Variants in AP2B1 observed in about 807,000 individuals in gnomAD.
The protein encoded by AP2B1 is adaptor related protein complex 2 subunit beta 1.
AP2B1 carries 23 observed loss-of-function variants against 102.0 expected under a neutral mutation model. The ratio of observed to expected loss-of-function variants is 0.23; its 90% CI spans 0.16 to 0.32. The LOEUF is 0.32. Ranked by LOEUF, AP2B1 falls within the 10% of genes least tolerant of loss-of-function variation. The probability of loss-of-function intolerance (pLI) is 1.00; values close to 1 mark genes in which losing one functional copy is unlikely to be tolerated. For missense variants in AP2B1, 541 were observed against 1,157.4 expected, an observed-to-expected ratio of 0.47 and a Z score of 7.73; for synonymous variants, 381 against 421.2, an observed-to-expected ratio of 0.90 and a Z score of 1.17.
intron 5 of AP2B1, among the ~76,000 whole-genome samples, chr17:35,608,882 C>T (rs1195281677): frequency 6.6e-6 from 1 of 152,178 alleles, no homozygotes; most frequent in Non-Finnish European, 1.5e-5. Flanking sequence ...CATAGCTTAA[C>T]ACCTTAAAGT....
chr17:35,623,817 T>C (rs2074246715), intron 5 of AP2B1, among the ~76,000 whole-genome samples: 1 of 152,174 alleles, frequency 6.6e-6, no homozygotes, highest in Non-Finnish European at 1.5e-5. Context: ...CTAAAACTAA[T>C]CTGTGAGGTG....
intron 18 of AP2B1, among the ~76,000 whole-genome samples, chr17:35,704,568 T>C (rs1339426217): frequency 6.6e-6 from 1 of 152,174 alleles, no homozygotes; most frequent in Non-Finnish European, 1.5e-5. Context: ...GTATTATAGG[T>C]GAGCCGGAAG....
chr17:35,673,682 C>T (rs1021294265), intron 16 of AP2B1, among the ~76,000 whole-genome samples: 4 of 151,944 alleles, frequency 2.6e-5, no homozygotes, highest in Non-Finnish European at 4.4e-5. Context: ...ATAGTCGATG[C>T]CTTTAAGGGA....
intron 10 of AP2B1, among the ~76,000 whole-genome samples, chr17:35,637,402 A>G (rs973370948): frequency 6.6e-6 from 1 of 151,546 alleles, no homozygotes; most frequent in African/African-American, 2.4e-5. Context: ...CCAGTCTCGA[A>G]CTCCTGACCT....
intron 13 of AP2B1, among the ~76,000 whole-genome samples, chr17:35,657,299 A>G (rs1192976117): frequency 6.6e-6 from 1 of 152,222 alleles, no homozygotes; most frequent in Non-Finnish European, 1.5e-5. Context: ...ACAGAGAACC[A>G]TAGAATTCTC....
chr17:35,676,517 T>C (rs887720548), intron 17 of AP2B1, among the ~76,000 whole-genome samples: 16 of 152,196 alleles, frequency 1.1e-4, no homozygotes, highest in African/African-American at 3.9e-4. Flanking sequence ...GCTCACAAGT[T>C]GGGGGAGTTT....
chr17:35,710,175 A>G lies in AP2B1; in HGVS notation c.2540-59A>G, dbSNP rs2076418717. ...AAAGGAAAAATGATGCAAGGCATCG[A>G]AAATCAGAATACTGACAGCTTATGC... is the stretch of plus-strand genomic sequence containing the variant. On this transcript the variant is annotated intron_variant, in intron 19 of 21. Coordinates refer to ENST00000610402, the MANE Select transcript of AP2B1 (RefSeq NM_001030006.2). 6.3e-6 allele frequency: 8 copies of G among 1,278,862 alleles called. No homozygotes were observed. In the Admixed American group the frequency reaches 1.4e-4, roughly 22 times the overall value. The allele number at this position is 1,278,862 out of a possible 1,614,324, so 79.2% of individuals were successfully genotyped here. A position where few individuals can be genotyped will look rare whatever the true frequency, so the allele number is the denominator to read the frequency against.
intron 1 of AP2B1, among the ~76,000 whole-genome samples, chr17:35,588,306 A>G (rs915216377): frequency 6.6e-6 from 1 of 151,432 alleles, no homozygotes; most frequent in Non-Finnish European, 1.5e-5. Context: ...CTTTTATTTT[A>G]TTTTATTTTT....
chr17:35,680,692 T>TTTTG (rs761874869), intron 17 of AP2B1, among the ~76,000 whole-genome samples: 48 of 56,932 alleles, frequency 8.4e-4, no homozygotes, highest in East Asian at 7.3e-3. Flanking sequence ...TTTGGTTTTT[T>TTTTG]TTTTTTTGTT....
At chr17:35,615,823 G>T (rs1407515558) in intron 5 of AP2B1, among the ~76,000 whole-genome samples, 1 of 152,146 alleles carries the variant, frequency 6.6e-6, no homozygotes, top group East Asian at 1.9e-4. Context: ...TAACATTGAA[G>T]GTAATACATT....
intron 3 of AP2B1, among the ~76,000 whole-genome samples, chr17:35,599,210 C>T (rs2073395590): frequency 6.6e-6 from 1 of 152,204 alleles, no homozygotes; most frequent in Non-Finnish European, 1.5e-5. Context: ...TGAGAAAAAA[C>T]CCTTGTGCAG....
intron 14 of AP2B1, among the ~76,000 whole-genome samples, chr17:35,665,788 C>T (rs2075452059): frequency 6.6e-6 from 1 of 152,122 alleles, no homozygotes; most frequent in African/African-American, 2.4e-5. Context: ...TATACACCTG[C>T]AGTTAAGAGA....
intron 21 of AP2B1, among the ~76,000 whole-genome samples, chr17:35,721,075 C>G (rs1313223952): frequency 6.6e-6 from 1 of 152,132 alleles, no homozygotes; most frequent in Non-Finnish European, 1.5e-5. Context: ...TGAGCCAGCA[C>G]TAATGCATGA....
intron 10 of AP2B1, among the ~76,000 whole-genome samples, chr17:35,637,029 T>C (rs1019260115): frequency 6.6e-6 from 1 of 152,262 alleles, no homozygotes; most frequent in Non-Finnish European, 1.5e-5. Context: ...TCTGCATTTT[T>C]ACTTCACAAG....
intron 18 of AP2B1, among the ~76,000 whole-genome samples, chr17:35,697,109 C>CT (rs1238913080): frequency 2.0e-5 from 3 of 152,232 alleles, no homozygotes; most frequent in Admixed American, 1.3e-4. Flanking sequence ...GTTCTATCCT[C>CT]TGACTCTGAT....
At chr17:35,632,954 A>T (rs2074504193) in intron 9 of AP2B1, among the ~76,000 whole-genome samples, 1 of 151,910 alleles carries the variant, frequency 6.6e-6, no homozygotes, top group Non-Finnish European at 1.5e-5. Context: ...AATATAGCAT[A>T]TTTAAATTTT....
chr17:35,604,615 G>A (rs1202469784), intron 3 of AP2B1, among the ~76,000 whole-genome samples: 9 of 152,050 alleles, frequency 5.9e-5, no homozygotes, highest in African/African-American at 1.2e-4. Context: ...AAAATTAGCC[G>A]GGAGTGGTGG....
Position 35,627,442 on chromosome 17 carries a change from C to T in AP2B1, c.996C>T (p.Ile332=), listed in dbSNP as rs746653504. The T allele has an allele frequency of 6.2e-7, 1 of 1,613,892 alleles. No individual in the cohort carries two copies. Among genetic ancestry groups the T allele is most frequent in the South Asian group, 1.1e-5 (1 of 91,070 alleles). The change falls in exon 8 of 22, where the codon ATC becomes ATT. Residue 332 remains isoleucine (I), a synonymous_variant. Coordinates refer to ENST00000610402, the MANE Select transcript of AP2B1 (RefSeq NM_001030006.2). ...KVFFVKYNDP[I]YVKLEKLDIM... is the part of the protein sequence containing the mutation. ...TCTTTGTGAAGTACAATGATCCCATCTATGTTAAACTAGAGAAGTTGGACA... is the reference window on the plus strand; with the variant it reads ...TCTTTGTGAAGTACAATGATCCCATTTATGTTAAACTAGAGAAGTTGGACA...
chr17:35,683,956 GGCCCAATCAAT>G (rs1368030003), intron 18 of AP2B1, among the ~76,000 whole-genome samples: 1 of 152,174 alleles, frequency 6.6e-6, no homozygotes, highest in Non-Finnish European at 1.5e-5. Context: ...AGAAATTCAA[GGCCCAATCAAT>G]GCCATAGATG....
Sources: gnomAD v4.1 joint callset for allele counts (sites outside exome capture counted in the v4.1 genomes callset) on GRCh38, gnomAD v4.1.1 for gene constraint, MANE v1.5 for transcripts, NCBI Gene and HGNC (gene_info 2026-07-23, HGNC 2026-07-21) for gene names.